Variants in FBRSL1 observed in about 807,000 individuals in gnomAD.
FBRSL1 encodes fibrosin like 1.
FBRSL1 carries 51 observed loss-of-function variants against 89.6 expected under a neutral mutation model. That is an observed-to-expected ratio of 0.57 (90% CI 0.45 to 0.72). The LOEUF (loss-of-function observed/expected upper bound fraction) is 0.72. Ranked by LOEUF, FBRSL1 falls within the 30% of genes least tolerant of loss-of-function variation. The pLI is 0.00. For synonymous variants in FBRSL1, 779 were observed against 681.1 expected (o/e 1.14, Z -2.24); for missense variants, 1,618 against 1,451.8 (o/e 1.11, Z -1.86).
In FBRSL1 at chr12:132,584,297, C is replaced by CT. The variant is rs1160706140; in HGVS notation, c.*522dup. 2 of 152,246 alleles carry CT rather than the reference C, an allele frequency of 1.3e-5. No individual in the cohort carries two copies. Among genetic ancestry groups the CT allele is most frequent in the Admixed American group, 1.3e-4 (2 of 15,300 alleles). The allele number at this position is 152,246 out of a possible 1,614,324, so 9.4% of individuals were successfully genotyped here. A position where few individuals can be genotyped will look rare whatever the true frequency, so the allele number is the denominator to read the frequency against. On this transcript the variant is annotated 3_prime_UTR_variant, in exon 19 of 19. Transcript: ENST00000680143. ...TATATTAAAATAATAATGTACAAAA[C>CT]TTTGTTTTTTTGCCTTATTATGCAG...
At chr12:132,564,109 G>C (rs995860469) in intron 5 of FBRSL1, among the ~76,000 whole-genome samples, 1 of 152,204 alleles carries the variant, frequency 6.6e-6, no homozygotes, top group Non-Finnish European at 1.5e-5. Context: ...AGCGCGTGCC[G>C]ACAGCAATTC....
Position 132,574,127 on chromosome 12 carries a change from C to A in FBRSL1, c.1568C>A (p.Ala523Glu), listed in dbSNP as rs976455644. 3 of 1,373,226 alleles carry A rather than the reference C, an allele frequency of 2.2e-6. No homozygotes were observed. In the African/African-American group the frequency reaches 4.5e-5, roughly 21 times the overall value. 85.1% of individuals were successfully genotyped at this position (1,373,226 alleles called of 1,614,324 possible). The change falls in exon 12 of 19, where the codon GCG becomes GAG. Residue 523 changes from alanine to glutamate, a missense_variant. Ala to Glu is a moderately radical substitution (Grantham distance 107). Coordinates refer to ENST00000680143, the MANE Select transcript of FBRSL1 (RefSeq NM_001367871.1). ...SPIEVARRAG[A>E]VHTLLQKAPG... ...ATTGAGGTGGCCCGCCGGGCTGGTG[C>A]GGTTCACACACTCCTGCAGAAAGCG...
At chr12:132,579,523 T>C (rs1237512187) in intron 15 of FBRSL1, among the ~76,000 whole-genome samples, 1 of 152,260 alleles carries the variant, frequency 6.6e-6, no homozygotes, top group African/African-American at 2.4e-5. Flanking sequence ...GCAATCCTGC[T>C]AAATTCTTAC....
At chr12:132,577,887 G>A (rs1454487164) in intron 15 of FBRSL1, among the ~76,000 whole-genome samples, 2 of 152,208 alleles carry the variant, frequency 1.3e-5, no homozygotes, top group Non-Finnish European at 1.5e-5. Flanking sequence ...CCTGCACGGT[G>A]CACGCCTTTC....
At chr12:132,581,942 T>G in intron 17 of FBRSL1, 118 bp downstream of exon 17, 1 of 1,289,454 alleles carries the variant, frequency 7.8e-7, no homozygotes, top group East Asian at 2.5e-5. Context: ...CTGGGCCTCC[T>G]TGGGGCACCC....
intron 5 of FBRSL1, among the ~76,000 whole-genome samples, chr12:132,555,418 TG>T (rs2038542350): frequency 7.2e-6 from 1 of 139,606 alleles, no homozygotes; most frequent in African/African-American, 2.8e-5. Flanking sequence ...CACCCGAGCG[TG>T]AGCATGGCCT....
chr12:132,501,472 A>G (rs2032948705), intron 1 of FBRSL1, among the ~76,000 whole-genome samples: 1 of 152,202 alleles, frequency 6.6e-6, no homozygotes, highest in Non-Finnish European at 1.5e-5. Flanking sequence ...AGGGGCTCCC[A>G]GGGCCAGGAG....
Position 132,581,655 on chromosome 12 carries a change from A to G in FBRSL1, c.1913-86A>G, listed in dbSNP as rs1006881510. On this transcript the variant is annotated intron_variant, in intron 16 of 18. Coordinates refer to ENST00000680143, the MANE Select transcript of FBRSL1 (RefSeq NM_001367871.1). ...ATGCAGGCAGTACCCACCAGGCCCA[A>G]AGCCTCTACAGCAGCCCCCACTGGG... 1.3e-4 allele frequency: 195 copies of G among 1,494,840 alleles called. 1 individual carries two copies. Among genetic ancestry groups the G allele is most frequent in the Non-Finnish European group, 7.9e-5 (87 of 1,097,156 alleles). 92.6% of individuals were successfully genotyped at this position (1,494,840 alleles called of 1,614,324 possible).
intron 2 of FBRSL1, among the ~76,000 whole-genome samples, chr12:132,523,217 G>C (rs955005131): frequency 2.0e-5 from 3 of 152,198 alleles, no homozygotes; most frequent in Non-Finnish European, 4.4e-5. Flanking sequence ...ACTGAGAAGC[G>C]GCTGGGCTGA....
At chr12:132,528,140 AC>A (rs1349768399) in intron 4 of FBRSL1, among the ~76,000 whole-genome samples, 152 bp downstream of exon 4, 3 of 151,860 alleles carry the variant, frequency 2.0e-5, no homozygotes, top group Admixed American at 2.0e-4. Flanking sequence ...GGCCTCAAAC[AC>A]CATGGGGTTG....
At chr12:132,509,384 A>T in intron 2 of FBRSL1, 1 of 1,241,038 alleles carries the variant, frequency 8.1e-7, no homozygotes, top group Non-Finnish European at 1.0e-6. Flanking sequence ...TGGGCCTGAA[A>T]CAGCCCTGCC....
intron 5 of FBRSL1, chr12:132,551,677 C>T (rs565431483): frequency 2.3e-5 from 10 of 427,340 alleles, no homozygotes; most frequent in East Asian, 1.4e-4. Context: ...ACAGACTGAC[C>T]GAGACACCTC....
rs373596545 is a variant in FBRSL1 at position 132,578,345 on chromosome 12, A to T, written c.1834+1414A>T. ...GGGCAACAGAGCAAGACCCTGTCTC[A>T]CACACACACACACACACACACAAAA... On this transcript the variant is annotated intron_variant, in intron 15 of 18. Coordinates refer to ENST00000680143, the MANE Select transcript of FBRSL1 (RefSeq NM_001367871.1). Among the ~76,000 whole-genome samples, 193 of 148,362 alleles carry T rather than the reference A, an allele frequency of 1.3e-3. 1 individual carries two copies. Among genetic ancestry groups the T allele is most frequent in the African/African-American group, 4.3e-3 (177 of 40,836 alleles).
At chr12:132,548,787 G>A (rs780719322) in intron 5 of FBRSL1, among the ~76,000 whole-genome samples, 6 of 152,232 alleles carry the variant, frequency 3.9e-5, no homozygotes, top group Non-Finnish European at 5.9e-5. Context: ...GCACCTGGAC[G>A]GGGGTGAGGG....
intron 15 of FBRSL1, among the ~76,000 whole-genome samples, chr12:132,578,343 T>TCTCTCACACACACACACACACACA (rs147345475): frequency 2.8e-5 from 4 of 141,008 alleles, no homozygotes; most frequent in African/African-American, 5.3e-5. Context: ...AGACCCTGTC[T>TCTCTCACACACACACACACACACA]CACACACACA....
At chr12:132,502,808 C>A (rs2033172267) in intron 1 of FBRSL1, among the ~76,000 whole-genome samples, 1 of 119,676 alleles carries the variant, frequency 8.4e-6, no homozygotes, top group Non-Finnish European at 1.8e-5. Flanking sequence ...CCCGCCCCCT[C>A]CTGTCCCCGC....
rs141834036 is a variant in FBRSL1 at position 132,551,216 on chromosome 12, G to A, written c.645+3184G>A. 7.2e-3 allele frequency: 2,611 copies of A among 361,452 alleles called. 12 individuals carry two copies. Among genetic ancestry groups the A allele is most frequent in the Middle Eastern group, 0.012 (12 of 1,004 alleles). 22.4% of individuals were successfully genotyped at this position (361,452 alleles called of 1,614,324 possible). A position where few individuals can be genotyped will look rare whatever the true frequency, so the allele number is the denominator to read the frequency against. ...AGAGCCCCTCAGCAGCCCCGGGCTTGTGTGGAACCCGTCTGTGAACTGGAT... is the reference window on the plus strand; with the variant it reads ...AGAGCCCCTCAGCAGCCCCGGGCTTATGTGGAACCCGTCTGTGAACTGGAT... On this transcript the variant is annotated intron_variant, in intron 5 of 18. Transcript: ENST00000680143.
intron 2 of FBRSL1, among the ~76,000 whole-genome samples, chr12:132,513,427 G>A (rs1442870993): frequency 6.6e-6 from 1 of 152,108 alleles, no homozygotes; most frequent in Non-Finnish European, 1.5e-5. Context: ...CTTCCGGGGG[G>A]TGACAGTGGG....
chr12:132,572,150 G>A (rs776479802), intron 9 of FBRSL1, 138 bp from the exon 10 acceptor site: 104 of 715,958 alleles, frequency 1.5e-4, no homozygotes, highest in Non-Finnish European at 1.9e-4. Flanking sequence ...AGGAGCCTGG[G>A]ACGGCTGGCC....
Sources: gnomAD v4.1 joint callset for allele counts (sites outside exome capture counted in the v4.1 genomes callset) on GRCh38, gnomAD v4.1.1 for gene constraint, MANE v1.5 for transcripts, NCBI Gene and HGNC (gene_info 2026-07-23, HGNC 2026-07-21) for gene names.